TOMT: variants seen among roughly 807,000 people sequenced by gnomAD.
The protein encoded by TOMT is transmembrane O-methyltransferase.
TOMT carries 23 observed loss-of-function variants against 21.7 expected under a neutral mutation model. The ratio of observed to expected loss-of-function variants is 1.06; its 90% CI spans 0.76 to 1.50. TOMT has a LOEUF of 1.50. Among genes scored for constraint, TOMT ranks in the 40% most tolerant of loss-of-function variants. The probability of loss-of-function intolerance (pLI) is 0.00; values close to 1 mark genes in which losing one functional copy is unlikely to be tolerated. For missense variants in TOMT, 331 were observed against 348.7 expected, an observed-to-expected ratio of 0.95 and a Z score of 0.41; for synonymous variants, 132 against 150.8, an observed-to-expected ratio of 0.88 and a Z score of 0.91.
intron 2 of TOMT, 142 bp downstream of exon 2, chr11:72,108,261 C>T (rs1945918980): frequency 2.9e-6 from 2 of 700,930 alleles, no homozygotes; most frequent in South Asian, 2.8e-5. Context: ...TGAGCTCCTG[C>T]CCTCCTGTCC....
downstream of TOMT, chr11:72,109,576 A>G (rs1008617007): frequency 4.2e-5 from 21 of 502,170 alleles, no homozygotes; most frequent in African/African-American, 3.9e-4. Context: ...CAAATAGGGA[A>G]TAGACATGGG....
exon 3 of TOMT, chr11:72,109,074 C>A: frequency 3.0e-6 from 2 of 674,940 alleles, no homozygotes; most frequent in Non-Finnish European, 4.9e-6. Context: ...CCTCTTTCAG[C>A]CTCTACACTG....
chr11:72,106,269 T>G, intron 1 of TOMT, 59 bp downstream of exon 1: 1 of 1,391,178 alleles, frequency 7.2e-7, no homozygotes, highest in East Asian at 2.6e-5. Context: ...AAGGAATATT[T>G]GGGATCTGTT....
intron 1 of TOMT, 101 bp downstream of exon 1, chr11:72,106,311 T>C: frequency 2.3e-6 from 3 of 1,299,364 alleles, no homozygotes; most frequent in Non-Finnish European, 3.0e-6. Context: ...GGCAGGTTCT[T>C]GATCCTCTTT....
exon 3 of TOMT, chr11:72,109,294 T>C (rs1192308399): frequency 1.3e-5 from 6 of 471,706 alleles, no homozygotes; most frequent in Non-Finnish European, 2.5e-5. Flanking sequence ...TCCAGGGGCC[T>C]CCCAGTTCTC....
chr11:72,107,564 G>C (rs984086361), intron 1 of TOMT: 1 of 702,172 alleles, frequency 1.4e-6, no homozygotes, highest in Non-Finnish European at 2.6e-6. Context: ...GTTTGGGATG[G>C]CTGTGATACA....
At chr11:72,106,122 C>T (rs1945676781) in exon 1 of TOMT, 1 of 1,546,310 alleles carries the variant, frequency 6.5e-7, no homozygotes, top group African/African-American at 1.4e-5. Flanking sequence ...TCACCCATGC[C>T]CTGCCCGGTG....
exon 3 of TOMT, chr11:72,108,693 C>T: frequency 6.5e-7 from 1 of 1,544,762 alleles, no homozygotes; most frequent in Non-Finnish European, 8.7e-7. Flanking sequence ...GTGCTCCTGG[C>T]ACACCGGCCA....
chr11:72,107,650 G>C, intron 1 of TOMT: 1 of 621,784 alleles, frequency 1.6e-6, no homozygotes, highest in East Asian at 2.7e-5. Context: ...TGAATGCCAG[G>C]CTGAGAATCC....
At chr11:72,109,497 C>A, downstream of TOMT, 1 of 386,714 alleles carries the variant, frequency 2.6e-6, no homozygotes, top group Admixed American at 3.5e-5. Context: ...TTAGGTGTGG[C>A]TGATGTCCCT....
At chr11:72,105,997 T>C (rs760348440) in exon 1 of TOMT, 20 of 1,550,842 alleles carry the variant, frequency 1.3e-5, no homozygotes, top group Non-Finnish European at 1.5e-5. Flanking sequence ...GGTGGTAACA[T>C]TGCTGGTGCG....
rs567979134 is a variant in TOMT at position 72,108,555 on chromosome 11, G to A, written c.457-50G>A. 3.5e-5 allele frequency: 49 copies of A among 1,416,560 alleles called. 1 individual carries two copies. The South Asian group carries it at 6.5e-4, about 19-fold the overall frequency. 87.7% of individuals were successfully genotyped at this position (1,416,560 alleles called of 1,614,324 possible). A position where few individuals can be genotyped will look rare whatever the true frequency, so the allele number is the denominator to read the frequency against. ...GCCAGATCCTGGTGGGGTCTTGACT[G>A]GGAGAACAATTCCCCCCACCCTCAC... On this transcript the variant is annotated intron_variant, in intron 2 of 2. Transcript: ENST00000541899.
exon 1 of TOMT, chr11:72,106,006 C>A: frequency 6.4e-7 from 1 of 1,550,870 alleles, no homozygotes; most frequent in Admixed American, 2.0e-5. Context: ...ATTGCTGGTG[C>A]GGTACCGGCA....
At chr11:72,108,887 G>T (rs371308729) in exon 3 of TOMT, 7 of 1,549,544 alleles carry the variant, frequency 4.5e-6, no homozygotes, top group African/African-American at 1.4e-5. Context: ...TGCCATCAAG[G>T]ATGGAATAGC....
In TOMT at chr11:72,108,734, G is replaced by A; in HGVS notation, c.586G>A (p.Glu196Lys). ...TTACCTGAGGGACCTGCAGCTGCTG[G>A]AGGCCCATGCCCTACTGCCAGCAGG... Residue 196 changes from glutamate to lysine, a missense_variant, in exon 3 of 3, where the codon GAG becomes AAG. Physicochemically the swap from Glu to Lys is moderately conservative, Grantham distance 56 (BLOSUM62 1). Transcript: ENST00000541899. 6.4e-7 allele frequency: 1 copy of A among 1,550,454 alleles called. No individual in the cohort carries two copies. The highest frequency in any genetic ancestry group is 8.7e-7 in the Non-Finnish European group (1 of 1,146,872).
chr11:72,105,936 G>T, exon 1 of TOMT: 1 of 1,534,286 alleles, frequency 6.5e-7, no homozygotes, highest in Non-Finnish European at 8.8e-7. Context: ...TCCACCCCAG[G>T]GCCCAGGTAG....
chr11:72,109,192 T>A (rs1289306023), exon 3 of TOMT: 2 of 505,402 alleles, frequency 4.0e-6, no homozygotes, highest in African/African-American at 3.9e-5. Flanking sequence ...CCCAGCTCTG[T>A]CACTGATTTG....
At chr11:72,109,007 T>A in exon 3 of TOMT, 2 of 1,260,464 alleles carry the variant, frequency 1.6e-6, no homozygotes, top group South Asian at 3.1e-5. Flanking sequence ...CCTTTCCTGT[T>A]TGGGGCCTTG....
chr11:72,107,125 G>C lies in TOMT; in HGVS notation c.260-798G>C, dbSNP rs576446961. Reference sequence around the variant, plus strand: ...CTACAAAAAATTTAAAAATTAGCCGGGTGTGGTGGTGAGTAACTGTGGTTC... The same window carrying C: ...CTACAAAAAATTTAAAAATTAGCCGCGTGTGGTGGTGAGTAACTGTGGTTC... On this transcript the variant is annotated intron_variant, in intron 1 of 2. Coordinates refer to ENST00000541899, the Ensembl canonical transcript of TOMT. 6.3e-5 allele frequency: 22 copies of C among 348,800 alleles called. No homozygotes were observed. The East Asian group carries it at 1.0e-3, about 16-fold the overall frequency. The allele number at this position is 348,800 out of a possible 1,614,324, so 21.6% of individuals were successfully genotyped here.
Sources: gnomAD v4.1 joint callset for allele counts on GRCh38, gnomAD v4.1.1 for gene constraint, MANE v1.5 for transcripts, NCBI Gene and HGNC (gene_info 2026-07-23, HGNC 2026-07-21) for gene names.